The following PCM1 variants were observed in gnomAD, a reference collection of about 807,000 sequenced individuals.
PCM1 encodes pericentriolar material 1 protein.
Under a neutral mutation model 241.9 loss-of-function variants are expected in PCM1, and 157 were observed. The observed-to-expected ratio is 0.65, with a 90% CI of 0.57 to 0.74. The LOEUF is 0.74. Among genes scored for constraint, PCM1 ranks in the 30% least tolerant of loss-of-function variants. The pLI, the probability that PCM1 is intolerant of heterozygous loss-of-function variation, is 0.00. For synonymous variants in PCM1, 1,085 were observed against 784.9 expected (o/e 1.38, Z -6.39); for missense variants, 3,478 against 2,360.1 (o/e 1.47, Z -9.81).
At chr8:18,024,226 C>G (rs556218788) in intron 36 of PCM1, among the ~76,000 whole-genome samples, 1 of 152,040 alleles carries the variant, frequency 6.6e-6, no homozygotes, top group Non-Finnish European at 1.5e-5. Context: ...ATTAGCCAGG[C>G]GTGAGAGTGC....
Position 18,015,151 on chromosome 8 carries a change from A to G in PCM1, c.5841+311A>G, listed in dbSNP as rs746474466. 3.9e-5 allele frequency among the ~76,000 whole-genome samples: 6 copies of G among 152,084 alleles called. No homozygotes were observed. The East Asian group carries it at 5.8e-4, about 15-fold the overall frequency. ...TCCTTTATACTACCTATTCTTCTCA[A>G]CTGTTTAGAATATATTGCAAATTTT... On this transcript the variant is annotated intron_variant, in intron 36 of 38. Coordinates refer to ENST00000325083, the MANE Select transcript of PCM1 (RefSeq NM_006197.4).
At position 18,014,870 on chromosome 8, in the gene PCM1, T is replaced by C. The variant is rs774162990; in HGVS notation, c.5841+30T>C. 14 of 1,523,562 alleles carry C rather than the reference T, an allele frequency of 9.2e-6. No individual in the cohort carries two copies. The South Asian group carries it at 1.6e-4, about 17-fold the overall frequency. 94.4% of individuals were successfully genotyped at this position (1,523,562 alleles called of 1,614,324 possible). A position where few individuals can be genotyped will look rare whatever the true frequency, so the allele number is the denominator to read the frequency against. ...GTATCATTTACATTTCCAAATATTTTTACTTTTCATTTCTGTGCATATTTC... is the reference window on the plus strand; with the variant it reads ...GTATCATTTACATTTCCAAATATTTCTACTTTTCATTTCTGTGCATATTTC... On this transcript the variant is annotated intron_variant, in intron 36 of 38. Coordinates refer to ENST00000325083, the MANE Select transcript of PCM1 (RefSeq NM_006197.4).
rs763519572 is a variant in PCM1 at position 17,989,415 on chromosome 8, TATTA to T, written c.4411-439_4411-436del. ...GTACATTTAAAGTGAGTGCATTGTA[TATTA>T]ATTATATTTCAATAAAGTTTATTTT... is the stretch of plus-strand genomic sequence containing the variant. On this transcript the variant is annotated intron_variant, in intron 26 of 38. Coordinates refer to ENST00000325083, the MANE Select transcript of PCM1 (RefSeq NM_006197.4). Among the ~76,000 whole-genome samples the T allele has an allele frequency of 9.6e-4, 146 of 152,182 alleles. No homozygotes were observed. In the Middle Eastern group the frequency reaches 0.017, roughly 18 times the overall value.
chr8:18,011,610 G>A (rs1341902469), intron 33 of PCM1, 57 bp from the exon 34 acceptor site: 2 of 1,454,168 alleles, frequency 1.4e-6, no homozygotes, highest in African/African-American at 1.4e-5. Flanking sequence ...GTAAGTGGTA[G>A]CTATTGTTAA....
At chr8:17,968,762 G>GTGTGTATGTGTA (rs373502456) in intron 21 of PCM1, among the ~76,000 whole-genome samples, 4 of 136,734 alleles carry the variant, frequency 2.9e-5, no homozygotes, top group Non-Finnish European at 6.3e-5. Flanking sequence ...GTGTGTGTGT[G>GTGTGTATGTGTA]TATATATATA....
intron 36 of PCM1, among the ~76,000 whole-genome samples, chr8:18,020,315 G>A (rs2237852): frequency 0.81 from 123,108 of 152,176 alleles, 50,772 homozygotes; most frequent in African/African-American, 0.95. Flanking sequence ...AAATTGATAG[G>A]AACTTTATCT....
chr8:17,962,838 G>C (rs1018153607), intron 16 of PCM1: 11 of 253,450 alleles, frequency 4.3e-5, no homozygotes, highest in African/African-American at 2.1e-4. Context: ...GGGAGGCAGA[G>C]GTTGCAGTGA....
chr8:17,951,305 T>C (rs2065923895), intron 8 of PCM1, among the ~76,000 whole-genome samples: 3 of 152,206 alleles, frequency 2.0e-5, no homozygotes, highest in Admixed American at 6.5e-5. Flanking sequence ...TGATTGAAGA[T>C]GCAGTGTCTC....
chr8:17,981,568 T>C (rs1270770978), intron 24 of PCM1, among the ~76,000 whole-genome samples: 33 of 152,302 alleles, frequency 2.2e-4, no homozygotes, highest in Non-Finnish European at 1.5e-5. Context: ...CATTAGACTA[T>C]AGTGGATAGA....
At position 17,972,239 on chromosome 8, in the gene PCM1, A is replaced by G. The variant is rs1401818290; in HGVS notation, c.3585-90A>G. ...GCCTGTTGACAATTTTATTCACCTA[A>G]ATCTACTCGAGTAGACTATAAATTC... On this transcript the variant is annotated intron_variant, in intron 22 of 38. Coordinates refer to ENST00000325083, the MANE Select transcript of PCM1 (RefSeq NM_006197.4). 7 of 566,784 alleles carry G rather than the reference A, an allele frequency of 1.2e-5. No homozygotes were observed. In the Admixed American group the frequency reaches 2.8e-4, roughly 23 times the overall value. 35.1% of individuals were successfully genotyped at this position (566,784 alleles called of 1,614,324 possible).
chr8:17,960,209 G>A (rs2071018027), intron 14 of PCM1, 44 bp downstream of exon 14: 3 of 1,551,852 alleles, frequency 1.9e-6, no homozygotes, highest in Non-Finnish European at 2.6e-6. Flanking sequence ...TAAAAATTTA[G>A]TGCCTGTTTT....
At chr8:18,007,625 C>T (rs1031968743) in intron 30 of PCM1, among the ~76,000 whole-genome samples, 1 of 152,100 alleles carries the variant, frequency 6.6e-6, no homozygotes, top group African/African-American at 2.4e-5. Context: ...TTTCTTTCAT[C>T]CCGTTCTTGA....
rs760893350 is a variant in PCM1 at position 17,957,426 on chromosome 8, G to A, written c.1804+5G>A. ...TAAACATGCCTCCTTCTTTAGGTAT[G>A]ACTGACTGTATTTACATATAATTTT... is the stretch of plus-strand genomic sequence containing the variant. On this transcript the variant is annotated splice_donor_5th_base_variant and intron_variant, in intron 12 of 38. Transcript: ENST00000325083. 2.5e-6 allele frequency: 4 copies of A among 1,611,252 alleles called. No homozygotes were observed. The African/African-American group carries it at 4.0e-5, about 16-fold the overall frequency.
chr8:17,933,596 T>C (rs1430032645), intron 2 of PCM1, among the ~76,000 whole-genome samples: 1 of 152,204 alleles, frequency 6.6e-6, no homozygotes, highest in Non-Finnish European at 1.5e-5. Context: ...CATATTGTTT[T>C]ATAGAGTTTA....
chr8:17,983,409 G>C (rs889740483), intron 24 of PCM1: 9 of 342,866 alleles, frequency 2.6e-5, no homozygotes, highest in Non-Finnish European at 4.9e-5. Context: ...TATGTTATGT[G>C]ACTATTGTAA....
At chr8:17,960,250 T>G (rs997327309) in intron 14 of PCM1, 65 bp from the exon 15 acceptor site, 33 of 1,559,650 alleles carry the variant, frequency 2.1e-5, no homozygotes, top group Non-Finnish European at 1.7e-6. Context: ...TACTGTGTTA[T>G]GTTGTGCCTA....
chr8:18,022,767 C>T (rs1374719977), intron 36 of PCM1, among the ~76,000 whole-genome samples: 1 of 152,148 alleles, frequency 6.6e-6, no homozygotes, highest in Non-Finnish European at 1.5e-5. Context: ...TATAATGACA[C>T]ATATTTAAAA....
chr8:17,997,905 G>A (rs1232222329), intron 29 of PCM1, among the ~76,000 whole-genome samples: 1 of 151,436 alleles, frequency 6.6e-6, no homozygotes, highest in Non-Finnish European at 1.5e-5. Context: ...ACATGGTGGT[G>A]CGCACCTATA....
At chr8:17,939,561 C>G in intron 5 of PCM1, 130 bp from the exon 6 acceptor site, 4 of 474,528 alleles carry the variant, frequency 8.4e-6, no homozygotes, top group Non-Finnish European at 1.1e-5. Flanking sequence ...TTAATTCACA[C>G]AATAATCCAA....
Sources: allele counts gnomAD v4.1 joint callset (sites outside exome capture counted in the v4.1 genomes callset), GRCh38; gene constraint gnomAD v4.1.1; transcripts MANE v1.5; gene names NCBI Gene and HGNC (gene_info 2026-07-23, HGNC 2026-07-21).